Variants in PPFIA2 observed in about 807,000 individuals in gnomAD.
The protein encoded by PPFIA2 is PPFI scaffold protein A2, also known as liprin-alpha-2.
PPFIA2 carries 46 observed loss-of-function variants against 175.5 expected under a neutral mutation model. The observed-to-expected ratio is 0.26, with a 90% CI of 0.21 to 0.34. PPFIA2 has a LOEUF of 0.34. Ranked by LOEUF, PPFIA2 falls within the 10% of genes least tolerant of loss-of-function variation. The pLI is 1.00. For missense variants in PPFIA2, 1,179 were observed against 1,506.1 expected, an observed-to-expected ratio of 0.78 and a Z score of 3.60; for synonymous variants, 568 against 511.4, an observed-to-expected ratio of 1.11 and a Z score of -1.49.
intron 3 of PPFIA2, among the ~76,000 whole-genome samples, chr12:81,752,939 ATT>A (rs60963783): frequency 0.03 from 4,299 of 142,882 alleles, 77 homozygotes; most frequent in Middle Eastern, 0.062. Flanking sequence ...TATGCTTTTC[ATT>A]TTTTTTTTTT....
At chr12:81,713,664 T>C (rs542748545) in intron 3 of PPFIA2, among the ~76,000 whole-genome samples, 1 of 151,144 alleles carries the variant, frequency 6.6e-6, no homozygotes, top group South Asian at 2.1e-4. Flanking sequence ...AGTGTGCTAG[T>C]GGTGTCTCAT....
At position 81,517,050 on chromosome 12, in the gene PPFIA2, G is replaced by T. The variant is rs533082552; in HGVS notation, c.304-59184C>A. Among the ~76,000 whole-genome samples, 3 of 149,194 alleles carry T rather than the reference G, an allele frequency of 2.0e-5. No homozygotes were observed. The South Asian group carries it at 6.5e-4, about 32-fold the overall frequency. The stretch of plus-strand genomic sequence containing the variant: ...TGCAGAACCAAAGAGAAGGCTTCAT[G>T]ATTAAAAGACAAGTAAAATAAAATA... On this transcript the variant is annotated intron_variant, in intron 4 of 32. Transcript: ENST00000549396.
intron 3 of PPFIA2, among the ~76,000 whole-genome samples, chr12:81,721,970 A>G (rs1459713071): frequency 6.6e-6 from 1 of 151,100 alleles, no homozygotes; most frequent in African/African-American, 2.4e-5. Context: ...ATTTAAAACA[A>G]TGTGCTGTAC....
intron 3 of PPFIA2, among the ~76,000 whole-genome samples, chr12:81,724,552 T>C (rs1171970360): frequency 6.6e-6 from 1 of 150,982 alleles, no homozygotes; most frequent in Non-Finnish European, 1.5e-5. Flanking sequence ...ATTATTTAGC[T>C]CCCAATTATA....
chr12:81,643,940 A>G (rs2065702529), intron 4 of PPFIA2, among the ~76,000 whole-genome samples: 1 of 152,006 alleles, frequency 6.6e-6, no homozygotes, highest in Non-Finnish European at 1.5e-5. Flanking sequence ...GAATAGCAAC[A>G]AACTTTTCCC....
At chr12:81,684,668 T>C (rs541560869) in intron 3 of PPFIA2, among the ~76,000 whole-genome samples, 2 of 152,212 alleles carry the variant, frequency 1.3e-5, no homozygotes, top group African/African-American at 4.8e-5. Context: ...AACTAATAAA[T>C]GACTTGCCCC....
intron 8 of PPFIA2, among the ~76,000 whole-genome samples, chr12:81,402,238 C>G (rs1178926626): frequency 6.6e-6 from 1 of 152,144 alleles, no homozygotes; most frequent in East Asian, 1.9e-4. Context: ...TTGTCCTGAT[C>G]AACCACTTTT....
chr12:81,413,577 C>T (rs562824627), intron 7 of PPFIA2, among the ~76,000 whole-genome samples: 77 of 151,856 alleles, frequency 5.1e-4, no homozygotes, highest in Non-Finnish European at 7.2e-4. Context: ...CATGGAAGGA[C>T]AGTTTAATGA....
intron 4 of PPFIA2, among the ~76,000 whole-genome samples, chr12:81,471,648 T>C (rs1339142394): frequency 6.6e-6 from 1 of 151,924 alleles, no homozygotes; most frequent in Non-Finnish European, 1.5e-5. Context: ...TTAATATCTT[T>C]GGTTATATAC....
chr12:81,367,949 C>G (rs1266420518), intron 13 of PPFIA2, among the ~76,000 whole-genome samples: 1 of 151,668 alleles, frequency 6.6e-6, no homozygotes, highest in Non-Finnish European at 1.5e-5. Flanking sequence ...TTATTACTTT[C>G]TAATGGGTAA....
intron 3 of PPFIA2, among the ~76,000 whole-genome samples, chr12:81,744,745 G>A (rs1168559329): frequency 6.6e-6 from 1 of 152,158 alleles, no homozygotes; most frequent in Non-Finnish European, 1.5e-5. Flanking sequence ...GCTTTCTATT[G>A]TCCATGTCTT....
At chr12:81,509,092 CTA>C (rs1205436747) in intron 4 of PPFIA2, among the ~76,000 whole-genome samples, 23 of 152,064 alleles carry the variant, frequency 1.5e-4, no homozygotes, top group African/African-American at 5.1e-4. Flanking sequence ...TCTCAGTAAA[CTA>C]TCGCAAGAGT....
intron 19 of PPFIA2, among the ~76,000 whole-genome samples, chr12:81,344,167 C>T (rs1472991934): frequency 6.6e-6 from 1 of 152,044 alleles, no homozygotes; most frequent in East Asian, 1.9e-4. Flanking sequence ...GCTCCTTCTG[C>T]CTCCTGACTG....
At chr12:81,458,053 T>C (rs2053881554) in intron 4 of PPFIA2, among the ~76,000 whole-genome samples, 187 bp from the exon 5 acceptor site, 2 of 152,194 alleles carry the variant, frequency 1.3e-5, no homozygotes, top group Admixed American at 1.3e-4. Context: ...ATGTGTCATA[T>C]GCATTTTATT....
intron 6 of PPFIA2, among the ~76,000 whole-genome samples, chr12:81,444,832 T>G (rs977843350): frequency 1.3e-5 from 2 of 152,140 alleles, no homozygotes; most frequent in Admixed American, 6.6e-5. Flanking sequence ...TCCTAAAGAT[T>G]TACTAATTTT....
At chr12:81,602,907 C>G (rs2059935327) in intron 4 of PPFIA2, among the ~76,000 whole-genome samples, 1 of 151,740 alleles carries the variant, frequency 6.6e-6, no homozygotes, top group Admixed American at 6.6e-5. Flanking sequence ...AGTCTTCATA[C>G]CTTAATTTTA....
At chr12:81,383,918 C>G in intron 9 of PPFIA2, 105 bp downstream of exon 9, 2 of 890,878 alleles carry the variant, frequency 2.2e-6, no homozygotes, top group Non-Finnish European at 3.4e-6. Context: ...AAAGTATGGT[C>G]TTTTGAGAAG....
intron 4 of PPFIA2, among the ~76,000 whole-genome samples, chr12:81,521,518 A>C (rs951118075): frequency 2.6e-4 from 40 of 152,174 alleles, no homozygotes; most frequent in Admixed American, 2.3e-3. Flanking sequence ...AATGTCATCC[A>C]AAGGAACAGT....
At chr12:81,302,671 G>C (rs111578378) in intron 22 of PPFIA2, 49 of 453,594 alleles carry the variant, frequency 1.1e-4, no homozygotes, top group African/African-American at 6.6e-4. Context: ...TGTGCTACAT[G>C]ATGGTAACTC....
Sources: gnomAD v4.1 joint callset for allele counts (sites outside exome capture counted in the v4.1 genomes callset) on GRCh38, gnomAD v4.1.1 for gene constraint, MANE v1.5 for transcripts, NCBI Gene and HGNC (gene_info 2026-07-23, HGNC 2026-07-21) for gene names.